MIR2052HG: variants seen among roughly 807,000 people sequenced by gnomAD.
The protein encoded by MIR2052HG is MIR2052 host gene.
At chr8:74,653,096 C>T (rs1011629559) in intron 2 of MIR2052HG, among the ~76,000 whole-genome samples, 9 of 152,128 alleles carry the variant, frequency 5.9e-5, no homozygotes, top group Non-Finnish European at 1.2e-4. Context: ...CTTCTTTTCA[C>T]AAACACAAAT....
chr8:74,643,300 T>A (rs1808659387), intron 2 of MIR2052HG, among the ~76,000 whole-genome samples: 1 of 152,182 alleles, frequency 6.6e-6, no homozygotes, highest in Admixed American at 6.5e-5. Context: ...GTAGTAAATG[T>A]GGTTTCTTGG....
intron 5 of MIR2052HG, chr8:74,757,069 G>C (rs1283204259): frequency 2.0e-5 from 3 of 152,280 alleles, no homozygotes; most frequent in Non-Finnish European, 4.4e-5. Context: ...TATAGGCATG[G>C]ATGTGGAGGA....
At chr8:74,701,114 A>G (rs911930500) in intron 2 of MIR2052HG, among the ~76,000 whole-genome samples, 6 of 152,280 alleles carry the variant, frequency 3.9e-5, no homozygotes, top group African/African-American at 1.4e-4. Context: ...GAATAAAGAA[A>G]ACTGTGGCCA....
chr8:74,687,210 A>T (rs1473869336), intron 2 of MIR2052HG, among the ~76,000 whole-genome samples: 1 of 152,134 alleles, frequency 6.6e-6, no homozygotes, highest in Non-Finnish European at 1.5e-5. Flanking sequence ...GTTGGTGGGG[A>T]CTTCGAAGAA....
rs1218980295 is a variant in MIR2052HG, at chr8:74,730,635, G to C, written n.372-21806G>C. ...CAATGTTAGTGTGTGGGTAGGAGTA[G>C]ATATTGGCATAACTGTTTTGGAAGG... is the stretch of plus-strand genomic sequence containing the variant. On this transcript the variant is annotated intron_variant and non_coding_transcript_variant, in intron 4 of 6. Coordinates refer to ENST00000523442, the Ensembl canonical transcript of MIR2052HG. Among the ~76,000 whole-genome samples the C allele has an allele frequency of 2.0e-5, 3 of 152,154 alleles. No homozygotes were observed. In the East Asian group the frequency reaches 5.8e-4, roughly 29 times the overall value.
chr8:74,707,690 C>G (rs1809425320), intron 4 of MIR2052HG, among the ~76,000 whole-genome samples: 1 of 152,050 alleles, frequency 6.6e-6, no homozygotes, highest in Admixed American at 6.6e-5. Context: ...GAGACATTGT[C>G]TGCTTATTAA....
chr8:74,636,495 C>T (rs1808581884), intron 2 of MIR2052HG, among the ~76,000 whole-genome samples: 1 of 152,094 alleles, frequency 6.6e-6, no homozygotes, highest in South Asian at 2.1e-4. Flanking sequence ...AGTGTAATAG[C>T]TCAAAGCGCG....
At chr8:74,660,773 A>G (rs544678101) in intron 2 of MIR2052HG, among the ~76,000 whole-genome samples, 167 of 152,260 alleles carry the variant, frequency 1.1e-3, no homozygotes, top group African/African-American at 3.8e-3. Flanking sequence ...TATTTCAAAT[A>G]TAGTCACTCT....
intron 1 of MIR2052HG, among the ~76,000 whole-genome samples, chr8:74,602,766 C>T (rs1193387912): frequency 6.7e-6 from 1 of 148,624 alleles, no homozygotes; most frequent in Admixed American, 6.7e-5. Flanking sequence ...CCACCTGCCT[C>T]GGCCTCCCAA....
chr8:74,683,573 A>T (rs985997699), intron 2 of MIR2052HG, among the ~76,000 whole-genome samples: 3 of 152,068 alleles, frequency 2.0e-5, no homozygotes, highest in Admixed American at 6.6e-5. Flanking sequence ...TCCTTGATTC[A>T]TTTTAACCAT....
At chr8:74,626,025 T>TC (rs1456924061) in intron 2 of MIR2052HG, among the ~76,000 whole-genome samples, 1 of 152,074 alleles carries the variant, frequency 6.6e-6, no homozygotes, top group Non-Finnish European at 1.5e-5. Flanking sequence ...GCTCCTTTCT[T>TC]CCCCCACCCT....
intron 2 of MIR2052HG, among the ~76,000 whole-genome samples, chr8:74,617,482 T>C (rs1808301526): frequency 1.3e-5 from 2 of 149,182 alleles, no homozygotes; most frequent in African/African-American, 4.9e-5. Flanking sequence ...TGTGTGTGTG[T>C]GTGTGTATAC....
chr8:74,748,893 C>G (rs1809914449), intron 4 of MIR2052HG, among the ~76,000 whole-genome samples: 1 of 152,122 alleles, frequency 6.6e-6, no homozygotes, highest in Admixed American at 6.5e-5. Context: ...TAATTATGCT[C>G]TCATCATATT....
chr8:74,616,339 T>C (rs1222116595), intron 2 of MIR2052HG, among the ~76,000 whole-genome samples: 1 of 150,858 alleles, frequency 6.6e-6, no homozygotes, highest in Non-Finnish European at 1.5e-5. Context: ...ACTGTGGTTT[T>C]GATTTGCATT....
intron 2 of MIR2052HG, among the ~76,000 whole-genome samples, chr8:74,640,467 C>CAAAAA (rs35779504): frequency 1.2e-5 from 1 of 83,584 alleles, no homozygotes; most frequent in Non-Finnish European, 2.3e-5. Flanking sequence ...GACTCCGTCT[C>CAAAAA]AAAAAAAAAA....
chr8:74,706,357 C>T (rs1809410370), intron 4 of MIR2052HG, among the ~76,000 whole-genome samples: 1 of 152,044 alleles, frequency 6.6e-6, no homozygotes, highest in African/African-American at 2.4e-5. Flanking sequence ...TGAGCAACCC[C>T]CTCTAAGTCA....
chr8:74,617,587 T>G (rs1808303899), intron 2 of MIR2052HG, among the ~76,000 whole-genome samples: 5 of 152,108 alleles, frequency 3.3e-5, no homozygotes, highest in Non-Finnish European at 7.4e-5. Context: ...CTGTCTCACA[T>G]TTTAAAAATC....
intron 4 of MIR2052HG, among the ~76,000 whole-genome samples, chr8:74,747,102 A>T (rs547421651): frequency 2.2e-4 from 34 of 152,294 alleles, no homozygotes; most frequent in African/African-American, 7.2e-4. Context: ...CTAGATGTGA[A>T]CATCTAGATA....
At chr8:74,712,700 C>CCT (rs1809482064) in intron 4 of MIR2052HG, among the ~76,000 whole-genome samples, 1 of 143,456 alleles carries the variant, frequency 7.0e-6, no homozygotes, top group African/African-American at 2.5e-5. Flanking sequence ...CTTTTTCTGC[C>CCT]TTTTTTTTTT....
Sources: allele counts gnomAD v4.1 joint callset (sites outside exome capture counted in the v4.1 genomes callset), GRCh38; gene constraint gnomAD v4.1.1; transcripts MANE v1.5; gene names NCBI Gene and HGNC (gene_info 2026-07-23, HGNC 2026-07-21).